Variants in TM9SF2 observed in about 807,000 individuals in gnomAD.
TM9SF2 encodes the protein 76 kDa membrane protein.
In TM9SF2, 13 loss-of-function variants were observed where a neutral mutation model predicts 84.9. The observed-to-expected ratio is 0.15, with a 90% CI of 0.10 to 0.24. TM9SF2 has a LOEUF of 0.24. Among genes scored for constraint, TM9SF2 ranks in the 10% least tolerant of loss-of-function variants. TM9SF2 has a pLI of 1.00. For missense variants in TM9SF2, 562 were observed against 818.5 expected (o/e 0.69, Z 3.82); for synonymous variants, 273 against 285.8 (o/e 0.96, Z 0.45).
chr13:99,534,265 G>T (rs1036669638), intron 4 of TM9SF2, among the ~76,000 whole-genome samples: 1 of 152,076 alleles, frequency 6.6e-6, no homozygotes, highest in Non-Finnish European at 1.5e-5. Context: ...ATTATAAAGG[G>T]GTCTTGAAGA....
At chr13:99,513,359 G>A (rs1452604276) in intron 1 of TM9SF2, among the ~76,000 whole-genome samples, 1 of 152,184 alleles carries the variant, frequency 6.6e-6, no homozygotes, top group East Asian at 1.9e-4. Flanking sequence ...AAAGGAGATA[G>A]GAGAGAGTGC....
At chr13:99,550,094 A>T (rs374766512) in intron 12 of TM9SF2, among the ~76,000 whole-genome samples, 14 of 152,112 alleles carry the variant, frequency 9.2e-5, no homozygotes, top group African/African-American at 3.4e-4. Flanking sequence ...AGAATCTCCG[A>T]ATCTTGCTTT....
chr13:99,517,184 GCTCACTGTAACTTCAAA>G (rs2046138433), intron 1 of TM9SF2, among the ~76,000 whole-genome samples: 1 of 152,142 alleles, frequency 6.6e-6, no homozygotes, highest in South Asian at 2.1e-4. Flanking sequence ...CGCCATCATA[GCTCACTGTAACTTCAAA>G]CTCCTGGGCT....
At chr13:99,539,367 G>T in intron 6 of TM9SF2, 79 bp from the exon 7 acceptor site, 2 of 839,376 alleles carry the variant, frequency 2.4e-6, no homozygotes, top group Non-Finnish European at 4.0e-6. Context: ...TTTAAAATAC[G>T]TACAAAATCT....
chr13:99,542,808 G>A (rs2046266478), intron 9 of TM9SF2, among the ~76,000 whole-genome samples: 1 of 152,072 alleles, frequency 6.6e-6, no homozygotes, highest in Admixed American at 6.6e-5. Context: ...AATTTGCACA[G>A]CGTTGCCATG....
chr13:99,555,098 AAGTT>A (rs1167597122), intron 14 of TM9SF2, among the ~76,000 whole-genome samples: 1 of 152,208 alleles, frequency 6.6e-6, no homozygotes, highest in African/African-American at 2.4e-5. Flanking sequence ...AGGTTACAGA[AAGTT>A]AGAACTAAAT....
At chr13:99,557,411 T>C (rs916016207) in intron 15 of TM9SF2, among the ~76,000 whole-genome samples, 2 of 152,240 alleles carry the variant, frequency 1.3e-5, no homozygotes, top group Non-Finnish European at 2.9e-5. Context: ...TTTATTTATT[T>C]ATTCTGAATA....
intron 3 of TM9SF2, among the ~76,000 whole-genome samples, chr13:99,525,537 A>G (rs1033886459): frequency 2.0e-5 from 3 of 150,096 alleles, no homozygotes; most frequent in Non-Finnish European, 4.4e-5. Context: ...CCCGCCCCAA[A>G]GAGGACTTAT....
intron 4 of TM9SF2, among the ~76,000 whole-genome samples, chr13:99,533,901 C>T (rs540658699): frequency 1.1e-4 from 17 of 152,336 alleles, no homozygotes; most frequent in African/African-American, 3.8e-4. Context: ...GAACTCCTGA[C>T]CTCTTGATCT....
intron 1 of TM9SF2, among the ~76,000 whole-genome samples, chr13:99,515,811 C>T (rs546140081): frequency 2.1e-4 from 31 of 149,862 alleles, no homozygotes; most frequent in East Asian, 1.4e-3. Flanking sequence ...TGGCTCACTG[C>T]AACCTCTGCC....
At chr13:99,520,540 G>C (rs1379490851) in intron 3 of TM9SF2, among the ~76,000 whole-genome samples, 3 of 152,056 alleles carry the variant, frequency 2.0e-5, no homozygotes, top group Non-Finnish European at 4.4e-5. Context: ...ATGCTGCCTG[G>C]GCTCCCGCAC....
chr13:99,533,770 T>G (rs552990434), intron 4 of TM9SF2, among the ~76,000 whole-genome samples: 1 of 152,290 alleles, frequency 6.6e-6, no homozygotes, highest in African/African-American at 2.4e-5. Flanking sequence ...GTGATTCTCC[T>G]GCCTCTGCCT....
At chr13:99,540,674 A>C in intron 7 of TM9SF2, 40 bp from the exon 8 acceptor site, 1 of 1,545,314 alleles carries the variant, frequency 6.5e-7, no homozygotes, top group Non-Finnish European at 8.9e-7. Flanking sequence ...ATGTGCTGTC[A>C]GCAGATGTTT....
In TM9SF2 at chr13:99,558,191, T is replaced by G. The variant is rs534525022; in HGVS notation, c.1753-1172T>G. On this transcript the variant is annotated intron_variant, in intron 15 of 16. Coordinates refer to ENST00000376387, the MANE Select transcript of TM9SF2 (RefSeq NM_004800.3). The stretch of plus-strand genomic sequence containing the variant: ...ATTCCAGTGGTCTATATGCTGCCCT[T>G]AGGCCTGTACCACACTATTTTGATT... 2.0e-5 allele frequency among the ~76,000 whole-genome samples: 3 copies of G among 152,378 alleles called. No homozygotes were observed. In the South Asian group the frequency reaches 6.2e-4, roughly 32 times the overall value.
chr13:99,559,633 G>A, intron 16 of TM9SF2, 99 bp downstream of exon 16: 1 of 1,134,796 alleles, frequency 8.8e-7, no homozygotes, highest in South Asian at 1.7e-5. Context: ...GGCTTATTCT[G>A]TTAGTGCTCC....
intron 1 of TM9SF2, 132 bp downstream of exon 1, chr13:99,501,909 C>T: frequency 3.9e-6 from 5 of 1,275,646 alleles, no homozygotes; most frequent in Non-Finnish European, 5.3e-6. Flanking sequence ...TCCCCAGAAG[C>T]TTTTGGGGTC....
In TM9SF2 at chr13:99,534,310, G is replaced by T. The variant is rs115448071; in HGVS notation, c.462-2298G>T. ...GAGTTCCAATCCCAGATCCCACCAA[G>T]TTAGCAAAGGAGAATGATGTGCTGT... On this transcript the variant is annotated intron_variant, in intron 4 of 16. Coordinates refer to ENST00000376387, the MANE Select transcript of TM9SF2 (RefSeq NM_004800.3). Among the ~76,000 whole-genome samples, 983 of 152,282 alleles carry T rather than the reference G, an allele frequency of 6.5e-3. 11 individuals carry two copies. The highest frequency in any genetic ancestry group is 0.022 in the African/African-American group (912 of 41,566).
chr13:99,532,340 G>A lies in TM9SF2; in HGVS notation c.461+2746G>A, dbSNP rs183208203. 5.2e-3 allele frequency among the ~76,000 whole-genome samples: 787 copies of A among 152,078 alleles called. 12 individuals carry two copies. The highest frequency in any genetic ancestry group is 0.018 in the African/African-American group (740 of 41,510). On this transcript the variant is annotated intron_variant, in intron 4 of 16. Coordinates refer to ENST00000376387, the MANE Select transcript of TM9SF2 (RefSeq NM_004800.3). ...GCTGGGATTACAAGTGTGAGCCACCGCGCCCGGCCTTGTGGGTGATTTTTT... is the reference window on the plus strand; with the variant it reads ...GCTGGGATTACAAGTGTGAGCCACCACGCCCGGCCTTGTGGGTGATTTTTT...
At chr13:99,527,119 A>AG (rs2046186890) in intron 3 of TM9SF2, among the ~76,000 whole-genome samples, 1 of 152,028 alleles carries the variant, frequency 6.6e-6, no homozygotes, top group South Asian at 2.1e-4. Context: ...TAAGCAGTTG[A>AG]GGGGGGATAC....
Sources: gnomAD v4.1 joint callset for allele counts (sites outside exome capture counted in the v4.1 genomes callset) on GRCh38, gnomAD v4.1.1 for gene constraint, MANE v1.5 for transcripts, NCBI Gene and HGNC (gene_info 2026-07-23, HGNC 2026-07-21) for gene names.